Variants in SIPA1L1 observed in about 807,000 individuals in gnomAD.
SIPA1L1 encodes signal induced proliferation associated 1 like 1, also known as signal-induced proliferation-associated 1-like protein 1.
A neutral mutation model predicts 162.7 loss-of-function variants in SIPA1L1; 26 were observed. The ratio of observed to expected loss-of-function variants is 0.16; its 90% CI spans 0.12 to 0.22. The LOEUF (loss-of-function observed/expected upper bound fraction) is 0.22. Ranked by LOEUF, SIPA1L1 falls within the 10% of genes least tolerant of loss-of-function variation. The probability of loss-of-function intolerance (pLI) is 1.00; values close to 1 mark genes in which losing one functional copy is unlikely to be tolerated. For synonymous variants in SIPA1L1, 829 were observed against 837.4 expected (o/e 0.99, Z 0.17); for missense variants, 1,874 against 2,241.0 (o/e 0.84, Z 3.31).
intron 2 of SIPA1L1, among the ~76,000 whole-genome samples, chr14:71,365,892 ATTTTTT>A (rs1555405458): frequency 1.2e-5 from 1 of 84,744 alleles, no homozygotes; most frequent in African/African-American, 4.8e-5. Context: ...TGCCTGGTTA[ATTTTTT>A]TTTTTTTTTA....
intron 2 of SIPA1L1, among the ~76,000 whole-genome samples, chr14:71,466,558 C>T (rs2047008510): frequency 7.1e-6 from 1 of 141,084 alleles, no homozygotes; most frequent in Non-Finnish European, 1.5e-5. Context: ...AGATAAACAA[C>T]AGGCATTAAT....
intron 4 of SIPA1L1, among the ~76,000 whole-genome samples, chr14:71,583,178 C>T (rs2034162247): frequency 6.6e-6 from 1 of 152,128 alleles, no homozygotes; most frequent in Admixed American, 6.6e-5. Flanking sequence ...TGTTTAAGAG[C>T]CTGGGTATTA....
intron 6 of SIPA1L1, among the ~76,000 whole-genome samples, chr14:71,623,694 C>CAGAG (rs2039678587): frequency 6.6e-6 from 1 of 152,096 alleles, no homozygotes; most frequent in Non-Finnish European, 1.5e-5. Flanking sequence ...TGGGGTTCTG[C>CAGAG]CTTCTTAATT....
At chr14:71,509,928 G>T (rs978399149) in intron 2 of SIPA1L1, among the ~76,000 whole-genome samples, 9 of 152,044 alleles carry the variant, frequency 5.9e-5, no homozygotes, top group African/African-American at 1.9e-4. Flanking sequence ...TGGTTTCTGT[G>T]AATCTCCTGG....
intron 6 of SIPA1L1, among the ~76,000 whole-genome samples, chr14:71,620,465 T>G (rs2148522890): frequency 6.6e-6 from 1 of 152,354 alleles, no homozygotes; most frequent in South Asian, 2.1e-4. Flanking sequence ...CCACTCTGAT[T>G]TAAATACCCA....
intron 4 of SIPA1L1, among the ~76,000 whole-genome samples, chr14:71,550,590 AG>A (rs1232145757): frequency 6.6e-6 from 1 of 151,528 alleles, no homozygotes; most frequent in Admixed American, 6.6e-5. Flanking sequence ...AGAGAAAGAC[AG>A]CTCCGTTCTG....
intron 4 of SIPA1L1, among the ~76,000 whole-genome samples, chr14:71,543,963 GTA>G (rs200309327): frequency 1.6e-4 from 24 of 147,980 alleles, no homozygotes; most frequent in African/African-American, 5.7e-4. Flanking sequence ...GCACATGTAT[GTA>G]TATATACACA....
intron 7 of SIPA1L1, among the ~76,000 whole-genome samples, chr14:71,628,432 C>G (rs1049524654): frequency 3.3e-5 from 5 of 152,176 alleles, no homozygotes; most frequent in African/African-American, 1.2e-4. Flanking sequence ...GTTAGTAGCC[C>G]TTTACATACA....
At chr14:71,652,599 T>C (rs2042718011) in intron 8 of SIPA1L1, among the ~76,000 whole-genome samples, 1 of 151,930 alleles carries the variant, frequency 6.6e-6, no homozygotes, top group Non-Finnish European at 1.5e-5. Flanking sequence ...CACTCACTGG[T>C]GTACCACAGG....
chr14:71,521,873 T>G (rs2052389864), intron 3 of SIPA1L1, among the ~76,000 whole-genome samples: 1 of 152,222 alleles, frequency 6.6e-6, no homozygotes, highest in Non-Finnish European at 1.5e-5. Flanking sequence ...CATTGTGATT[T>G]ATTTATCATG....
At chr14:71,441,404 T>G (rs1033821103) in intron 2 of SIPA1L1, among the ~76,000 whole-genome samples, 1 of 152,236 alleles carries the variant, frequency 6.6e-6, no homozygotes, top group Non-Finnish European at 1.5e-5. Context: ...GTCCTTGTAT[T>G]GCTGCCCAGA....
intron 2 of SIPA1L1, among the ~76,000 whole-genome samples, chr14:71,346,539 A>G (rs967767543): frequency 4.6e-5 from 7 of 152,196 alleles, no homozygotes; most frequent in Non-Finnish European, 7.4e-5. Context: ...AGAAGAGAGT[A>G]TGGTTTCATC....
At chr14:71,394,560 T>C (rs1352291091) in intron 2 of SIPA1L1, among the ~76,000 whole-genome samples, 1 of 152,224 alleles carries the variant, frequency 6.6e-6, no homozygotes, top group Non-Finnish European at 1.5e-5. Context: ...CTCCAGCCTC[T>C]CCTGCTATAG....
At chr14:71,684,992 G>A (rs1290250344) in intron 12 of SIPA1L1, among the ~76,000 whole-genome samples, 2 of 152,142 alleles carry the variant, frequency 1.3e-5, no homozygotes, top group Non-Finnish European at 2.9e-5. Flanking sequence ...GGTGTGTGAA[G>A]CCGCTTGCTT....
At chr14:71,427,630 TTG>T (rs1335465545) in intron 2 of SIPA1L1, among the ~76,000 whole-genome samples, 3 of 152,204 alleles carry the variant, frequency 2.0e-5, no homozygotes, top group Non-Finnish European at 4.4e-5. Flanking sequence ...TTTCTCAGAC[TTG>T]ATCATTTTCA....
intron 12 of SIPA1L1, among the ~76,000 whole-genome samples, chr14:71,676,447 A>C (rs945947808): frequency 6.7e-6 from 1 of 149,714 alleles, no homozygotes; most frequent in African/African-American, 2.5e-5. Flanking sequence ...CTGAGCCCCT[A>C]CTAGGTGCCA....
chr14:71,479,455 G>A (rs2048168743), intron 2 of SIPA1L1, among the ~76,000 whole-genome samples: 1 of 152,090 alleles, frequency 6.6e-6, no homozygotes, highest in Admixed American at 6.5e-5. Context: ...GAGTTTAGTG[G>A]CACAATTATA....
chr14:71,675,658 C>T (rs972692493), intron 12 of SIPA1L1, among the ~76,000 whole-genome samples: 1 of 152,226 alleles, frequency 6.6e-6, no homozygotes, highest in Non-Finnish European at 1.5e-5. Flanking sequence ...CAACTAATTA[C>T]TCTGTTCTTT....
In SIPA1L1 at chr14:71,740,103, A is replaced by G. The variant is rs978539264; in HGVS notation, c.*942A>G. The G allele has an allele frequency of 1.3e-5, 2 of 152,232 alleles. No homozygotes were observed. The highest frequency in any genetic ancestry group is 4.8e-5 in the African/African-American group (2 of 41,462). The allele number at this position is 152,232 out of a possible 1,614,324, so 9.4% of individuals were successfully genotyped here. On this transcript the variant is annotated 3_prime_UTR_variant, in exon 24 of 24. Transcript: ENST00000381232. ...CAACTGGTTTTTTTAGCTTGCTGAAAATGACCATATCTCTAAATTAATCTT... is the reference window on the plus strand; with the variant it reads ...CAACTGGTTTTTTTAGCTTGCTGAAGATGACCATATCTCTAAATTAATCTT...
Sources: gnomAD v4.1 joint callset for allele counts (sites outside exome capture counted in the v4.1 genomes callset) on GRCh38, gnomAD v4.1.1 for gene constraint, MANE v1.5 for transcripts, NCBI Gene and HGNC (gene_info 2026-07-23, HGNC 2026-07-21) for gene names.